Variants in TOGARAM2 observed in about 807,000 individuals in gnomAD.
TOGARAM2 encodes the protein TOG array regulator of axonemal microtubules 2.
In TOGARAM2, 85 loss-of-function variants were observed where a neutral mutation model predicts 93.3. The observed-to-expected ratio is 0.91, with a 90% CI of 0.76 to 1.09. The LOEUF is 1.09. TOGARAM2 is among the 50% of genes least tolerant of loss of function. The probability of loss-of-function intolerance (pLI) is 0.00; values close to 1 mark genes in which losing one functional copy is unlikely to be tolerated. For synonymous variants in TOGARAM2, 593 were observed against 552.8 expected (o/e 1.07, Z -1.02); for missense variants, 1,277 against 1,334.5 (o/e 0.96, Z 0.67).
intron 6 of TOGARAM2, among the ~76,000 whole-genome samples, chr2:29,008,291 C>T (rs977984424): frequency 1.3e-5 from 2 of 151,586 alleles, no homozygotes; most frequent in Non-Finnish European, 2.9e-5. Flanking sequence ...GCTGAGACTA[C>T]AGGAGCATGC....
intron 1 of TOGARAM2, among the ~76,000 whole-genome samples, chr2:28,982,654 A>T (rs1572627095): frequency 6.6e-6 from 1 of 152,084 alleles, no homozygotes; most frequent in Admixed American, 6.5e-5. Context: ...CTCTGGAGAG[A>T]CCTGCCTCTG....
At chr2:29,014,255 TA>T in intron 7 of TOGARAM2, 139 bp from the exon 8 acceptor site, 1 of 1,006,348 alleles carries the variant, frequency 9.9e-7, no homozygotes, top group Non-Finnish European at 1.4e-6. Context: ...CCCTGTACAG[TA>T]AACCTAACTC....
chr2:29,043,738 C>T (rs973826570), intron 18 of TOGARAM2, among the ~76,000 whole-genome samples: 7 of 152,210 alleles, frequency 4.6e-5, no homozygotes, highest in Non-Finnish European at 1.0e-4. Context: ...GGTTTCTCTG[C>T]AGTCCACAAG....
chr2:29,005,773 G>A (rs1318897055), intron 6 of TOGARAM2, among the ~76,000 whole-genome samples: 1 of 88,122 alleles, frequency 1.1e-5, no homozygotes, highest in African/African-American at 3.3e-5. Context: ...GAGTACATGT[G>A]TGGAGTATCT....
chr2:28,998,066 C>A, intron 2 of TOGARAM2, 77 bp from the exon 3 acceptor site: 1 of 1,017,274 alleles, frequency 9.8e-7, no homozygotes, highest in Non-Finnish European at 1.4e-6. Context: ...AGGGTTACGG[C>A]CGGGTGTTCT....
intron 6 of TOGARAM2, among the ~76,000 whole-genome samples, chr2:29,004,695 CAA>C (rs1239327868): frequency 4.0e-5 from 6 of 151,434 alleles, no homozygotes; most frequent in African/African-American, 7.3e-5. Flanking sequence ...TATGTGAGTA[CAA>C]GAGTGTGTGT....
chr2:28,967,890 GAC>G (rs1256911802), intron 1 of TOGARAM2, among the ~76,000 whole-genome samples: 2 of 134,304 alleles, frequency 1.5e-5, no homozygotes, highest in Non-Finnish European at 3.0e-5. Context: ...TCGGCTCACT[GAC>G]ACTGCAACCT....
In TOGARAM2 at chr2:29,017,259, C is replaced by G. The variant is rs763883767; in HGVS notation, c.1150C>G (p.Leu384Val). 5 of 1,613,474 alleles carry G rather than the reference C, an allele frequency of 3.1e-6. No homozygotes were observed. Among genetic ancestry groups the G allele is most frequent in the Non-Finnish European group, 4.2e-6 (5 of 1,179,672 alleles). Reference protein sequence around the residue: ...RLEEPRTGQELTSQCLGSQRA... With the variant: ...RLEEPRTGQEVTSQCLGSQRA... Reference sequence around the variant, plus strand: ...GGAGGAGCCCAGGACAGGGCAGGAGCTCACTTCCCAGTGCCTGGGCTCCCA... The same window carrying G: ...GGAGGAGCCCAGGACAGGGCAGGAGGTCACTTCCCAGTGCCTGGGCTCCCA... The change falls in exon 9 of 20, where the codon CTC becomes GTC. Residue 384 changes from leucine to valine, a missense_variant. Transcript: ENST00000379558.
chr2:29,012,989 C>T (rs1664342993), intron 7 of TOGARAM2, among the ~76,000 whole-genome samples: 1 of 152,358 alleles, frequency 6.6e-6, no homozygotes, highest in East Asian at 1.9e-4. Flanking sequence ...ATGGCCTGGG[C>T]AGAGGACCTG....
intron 6 of TOGARAM2, among the ~76,000 whole-genome samples, chr2:29,006,170 T>A (rs372277116): frequency 0.012 from 1,601 of 135,410 alleles, 33 homozygotes; most frequent in African/African-American, 0.041. Context: ...TGTGTGAGCA[T>A]GTGTGACCAC....
At chr2:29,030,588 A>G (rs1238109248) in intron 14 of TOGARAM2, among the ~76,000 whole-genome samples, 3 of 152,164 alleles carry the variant, frequency 2.0e-5, no homozygotes, top group Admixed American at 6.5e-5. Context: ...CATCCCTTAC[A>G]CTAGATGATG....
intron 2 of TOGARAM2, among the ~76,000 whole-genome samples, chr2:28,995,772 G>A (rs913677917): frequency 1.3e-5 from 2 of 152,240 alleles, no homozygotes; most frequent in African/African-American, 2.4e-5. Flanking sequence ...GAAAAAGTGG[G>A]AACCCAGGCT....
At chr2:28,967,080 G>A (rs1031304558) in intron 1 of TOGARAM2, among the ~76,000 whole-genome samples, 1 of 152,144 alleles carries the variant, frequency 6.6e-6, no homozygotes, top group African/African-American at 2.4e-5. Flanking sequence ...ACATTTTTAG[G>A]CTCCCAAGGT....
At chr2:29,041,176 C>T (rs984667675) in intron 18 of TOGARAM2, among the ~76,000 whole-genome samples, 5 of 152,098 alleles carry the variant, frequency 3.3e-5, no homozygotes, top group Non-Finnish European at 5.9e-5. Flanking sequence ...AGGTGCATGT[C>T]ACCACACCCG....
In TOGARAM2 at chr2:29,011,651, G is replaced by T. The variant is rs894300835; in HGVS notation, c.877+150G>T. On this transcript the variant is annotated intron_variant, in intron 7 of 19. Coordinates refer to ENST00000379558, the MANE Select transcript of TOGARAM2 (RefSeq NM_199280.4). ...CAGCAGGAAGCTGAAGTCACCGGAG[G>T]TCTAACCGGAGGGTGGCAGCGGGCC... The T allele has an allele frequency of 1.4e-5, 11 of 799,640 alleles. No homozygotes were observed. In the African/African-American group the frequency reaches 1.8e-4, roughly 13 times the overall value. 49.5% of individuals were successfully genotyped at this position (799,640 alleles called of 1,614,324 possible).
chr2:28,969,812 C>T (rs1572617722), intron 1 of TOGARAM2, among the ~76,000 whole-genome samples: 4 of 127,856 alleles, frequency 3.1e-5, no homozygotes, highest in Middle Eastern at 4.1e-3. Flanking sequence ...GGTTGTCTTC[C>T]TTTTTTTTTT....
chr2:28,958,899 G>C (rs1256425762), intron 1 of TOGARAM2, among the ~76,000 whole-genome samples: 2 of 152,340 alleles, frequency 1.3e-5, no homozygotes, highest in East Asian at 3.9e-4. Flanking sequence ...CGTGGAGGGT[G>C]GGGATGTGAG....
intron 10 of TOGARAM2, among the ~76,000 whole-genome samples, chr2:29,018,941 G>A (rs577046150): frequency 6.6e-6 from 1 of 152,050 alleles, no homozygotes; most frequent in African/African-American, 2.4e-5. Flanking sequence ...TTTTAACATT[G>A]TTTTACTTTC....
chr2:29,006,239 T>A (rs7604007), intron 6 of TOGARAM2, among the ~76,000 whole-genome samples: 109,648 of 148,062 alleles, frequency 0.74, 41,818 homozygotes, highest in Non-Finnish European at 0.85. Flanking sequence ...GTGAAGCCAT[T>A]TGTGGAGTGT....
Sources: gnomAD v4.1 joint callset for allele counts (sites outside exome capture counted in the v4.1 genomes callset) on GRCh38, gnomAD v4.1.1 for gene constraint, MANE v1.5 for transcripts, NCBI Gene and HGNC (gene_info 2026-07-23, HGNC 2026-07-21) for gene names.